Variants in RRBP1 observed in about 807,000 individuals in gnomAD.
The protein encoded by RRBP1 is ribosome binding protein 1.
Under a neutral mutation model 165.2 loss-of-function variants are expected in RRBP1, and 94 were observed. That is an observed-to-expected ratio of 0.57 (90% CI 0.48 to 0.68). RRBP1 has a LOEUF of 0.68. Among genes scored for constraint, RRBP1 ranks in the 30% least tolerant of loss-of-function variants. RRBP1 has a pLI of 0.00. For missense variants in RRBP1, 1,676 were observed against 1,763.0 expected, an observed-to-expected ratio of 0.95 and a Z score of 0.88; for synonymous variants, 680 against 714.5, an observed-to-expected ratio of 0.95 and a Z score of 0.77.
At chr20:17,639,933 G>A (rs1338981188) in intron 5 of RRBP1, among the ~76,000 whole-genome samples, 2 of 151,624 alleles carry the variant, frequency 1.3e-5, no homozygotes, top group African/African-American at 2.4e-5. Context: ...TAAACACATC[G>A]GCTCTGCTCA....
Position 17,629,966 on chromosome 20 carries a change from G to A in RRBP1, c.2611-5C>T. 1 of 1,593,502 alleles carries A rather than the reference G, an allele frequency of 6.3e-7. No individual in the cohort carries two copies. Among genetic ancestry groups the A allele is most frequent in the Non-Finnish European group, 8.5e-7 (1 of 1,175,096 alleles). The stretch of plus-strand genomic sequence containing the variant: ...CTCACTCTCCCTGTGGGACGCCTGG[G>A]GACGGGCAGGGGAGTGGGGCAGTGA... On this transcript the variant is annotated splice_polypyrimidine_tract_variant and splice_region_variant and intron_variant, in intron 8 of 24. Transcript: ENST00000377813.
At chr20:17,675,546 A>C in intron 2 of RRBP1, among the ~76,000 whole-genome samples, 1 of 125,436 alleles carries the variant, frequency 8.0e-6, no homozygotes, top group Non-Finnish European at 1.7e-5. Flanking sequence ...GAAGGGGGGC[A>C]GGGAGTGGGG....
Position 17,629,956 on chromosome 20 carries a change from G to GGA in RRBP1, c.2614_2615dup (p.His873ProfsTer65). ...GCAGGGCCTCCTCACTCTCCCTGTG[G>GGA]GACGCCTGGGGACGGGCAGGGGAGT... On this transcript the variant is annotated frameshift_variant, in exon 9 of 25. Coordinates refer to ENST00000377813, the MANE Select transcript of RRBP1 (RefSeq NM_001365613.2). LOFTEE classifies it high-confidence loss of function. The GGA allele has an allele frequency of 6.3e-7, 1 of 1,594,110 alleles. No homozygotes were observed. The highest frequency in any genetic ancestry group is 8.5e-7 in the Non-Finnish European group (1 of 1,175,530).
At chr20:17,666,324 A>G (rs1282604081) in intron 2 of RRBP1, among the ~76,000 whole-genome samples, 1 of 151,406 alleles carries the variant, frequency 6.6e-6, no homozygotes, top group East Asian at 1.9e-4. Context: ...TGAGCATCAT[A>G]GCAAGACCCT....
chr20:17,654,823 C>T (rs2036620421), intron 3 of RRBP1, among the ~76,000 whole-genome samples: 1 of 152,190 alleles, frequency 6.6e-6, no homozygotes, highest in Admixed American at 6.5e-5. Flanking sequence ...CAGAGGCCTG[C>T]GGTGCTGAGC....
intron 20 of RRBP1, 136 bp from the exon 21 acceptor site, chr20:17,616,975 C>T (rs1449923901): frequency 1.3e-6 from 1 of 767,464 alleles, no homozygotes; most frequent in Non-Finnish European, 2.2e-6. Context: ...GGCTTGGTAA[C>T]TGTGACCTAT....
intron 11 of RRBP1, 61 bp from the exon 12 acceptor site, chr20:17,625,663 C>T: frequency 1.5e-6 from 2 of 1,364,572 alleles, no homozygotes; most frequent in Non-Finnish European, 2.1e-6. Context: ...CTACAGATCC[C>T]ACCTGAGGCC....
rs1801964 is a variant in RRBP1, at chr20:17,615,528, G to C, written c.3953C>G (p.Ala1318Gly). The change falls in exon 23 of 25, where the codon GCT becomes GGT. Residue 1318 changes from alanine (A) to glycine (G), a missense_variant and splice_region_variant. Physicochemically the swap from Ala to Gly is moderately conservative, Grantham distance 60. Transcript: ENST00000377813. ...RQKLTAEFEE[A>G]QTSACRLQEE... is the part of the protein sequence containing the mutation. ...TTGTAACCGACATGCCGAGGTCTGAGCCTTGCCGGAGAGGGAAGTGAGGTC... is the reference window on the plus strand; with the variant it reads ...TTGTAACCGACATGCCGAGGTCTGACCCTTGCCGGAGAGGGAAGTGAGGTC... 10 of 1,603,576 alleles carry C rather than the reference G, an allele frequency of 6.2e-6. No homozygotes were observed. In the Admixed American group the frequency reaches 1.7e-4, roughly 28 times the overall value.
At chr20:17,625,859 A>G (rs1490865883) in intron 11 of RRBP1, among the ~76,000 whole-genome samples, 1 of 151,958 alleles carries the variant, frequency 6.6e-6, no homozygotes, top group Non-Finnish European at 1.5e-5. Context: ...GTGACACCGG[A>G]GAGCTGGGTT....
intron 3 of RRBP1, among the ~76,000 whole-genome samples, chr20:17,653,445 C>T (rs913412921): frequency 1.3e-5 from 2 of 152,228 alleles, no homozygotes; most frequent in Admixed American, 6.5e-5. Flanking sequence ...CCCTGGAGCC[C>T]GTCAGCTGCA....
chr20:17,642,258 G>A (rs969670064), intron 4 of RRBP1, among the ~76,000 whole-genome samples: 7 of 152,210 alleles, frequency 4.6e-5, no homozygotes, highest in African/African-American at 1.7e-4. Flanking sequence ...GCAGCCCGTA[G>A]GCCTCTGGCT....
At chr20:17,664,647 G>A (rs1378735449) in intron 2 of RRBP1, among the ~76,000 whole-genome samples, 1 of 152,218 alleles carries the variant, frequency 6.6e-6, no homozygotes, top group Admixed American at 6.5e-5. Context: ...GAAGATATCT[G>A]CTAATTCACA....
At chr20:17,664,723 C>T (rs942001696) in intron 2 of RRBP1, among the ~76,000 whole-genome samples, 82 of 152,302 alleles carry the variant, frequency 5.4e-4, no homozygotes, top group African/African-American at 1.9e-3. Context: ...GTGAAAAGAC[C>T]CTCAACAGCT....
chr20:17,658,964 G>A lies in RRBP1; in HGVS notation c.1544C>T (p.Ala515Val). ...AQNQGQKGEGAQNQGKKTEGA... is the reference protein window; with the variant it reads ...AQNQGQKGEGVQNQGKKTEGA... ...TTCTGTCTTTTTACCCTGATTCTGG[G>A]CTCCCTCTCCTTTTTGGCCCTGGTT... Residue 515 changes from alanine (A) to valine (V), a missense_variant, in exon 3 of 25, where the codon GCC (alanine) becomes GTC (valine). By Grantham distance (64) the Ala-to-Val change is moderately conservative (BLOSUM62 0). This residue lies in a region of RRBP1 where 1,184 missense variants were observed against 1,167.1 expected (regional missense o/e 1.01). Coordinates refer to ENST00000377813, the MANE Select transcript of RRBP1 (RefSeq NM_001365613.2). 7 of 1,612,542 alleles carry A rather than the reference G, an allele frequency of 4.3e-6. No individual in the cohort carries two copies. The highest frequency in any genetic ancestry group is 5.9e-6 in the Non-Finnish European group (7 of 1,179,746).
At chr20:17,621,134 G>A (rs1312090710) in intron 16 of RRBP1, among the ~76,000 whole-genome samples, 1 of 152,230 alleles carries the variant, frequency 6.6e-6, no homozygotes, top group African/African-American at 2.4e-5. Flanking sequence ...GGGCTGGCCA[G>A]AGAGTGGCAG....
At chr20:17,645,217 A>T (rs1003714570) in intron 3 of RRBP1, among the ~76,000 whole-genome samples, 4 of 152,200 alleles carry the variant, frequency 2.6e-5, no homozygotes, top group Non-Finnish European at 5.9e-5. Flanking sequence ...GCGCTCTAGG[A>T]CGCCGCTTCC....
At chr20:17,614,965 G>A (rs2035769133) in intron 23 of RRBP1, 85 bp from the exon 24 acceptor site, 2 of 1,473,804 alleles carry the variant, frequency 1.4e-6, no homozygotes, top group East Asian at 2.3e-5. Context: ...CTGACGCCAG[G>A]GGCTGGAGCC....
chr20:17,628,731 T>C (rs1255818828), intron 9 of RRBP1, among the ~76,000 whole-genome samples: 1 of 152,252 alleles, frequency 6.6e-6, no homozygotes, highest in Non-Finnish European at 1.5e-5. Flanking sequence ...GCCTCTGCCA[T>C]GCATCCCCTC....
chr20:17,627,647 C>T lies in RRBP1; in HGVS notation c.2785G>A (p.Val929Met), dbSNP rs780632904. Reference sequence around the variant, plus strand: ...CTCAGCTCCTCGCATTTGCTGCGCACCTCCGCCTCGGAGGACTGTAACTTG... The same window carrying T: ...CTCAGCTCCTCGCATTTGCTGCGCATCTCCGCCTCGGAGGACTGTAACTTG... ...HSKLQSSEAE[V>M]RSKCEELSGL... The change falls in exon 10 of 25, where the codon GTG becomes ATG. Residue 929 changes from valine to methionine, a missense_variant. Coordinates refer to ENST00000377813, the MANE Select transcript of RRBP1 (RefSeq NM_001365613.2). 3 of 1,611,176 alleles carry T rather than the reference C, an allele frequency of 1.9e-6. No homozygotes were observed. Among genetic ancestry groups the T allele is most frequent in the Non-Finnish European group, 2.5e-6 (3 of 1,178,746 alleles).
Sources: allele counts gnomAD v4.1 joint callset (sites outside exome capture counted in the v4.1 genomes callset), GRCh38; gene constraint gnomAD v4.1.1; regional missense constraint gnomAD v4.1.1; transcripts MANE v1.5; gene names NCBI Gene and HGNC (gene_info 2026-07-23, HGNC 2026-07-21).